Variants in LRRC1 observed in about 807,000 individuals in gnomAD.
LRRC1 encodes the protein leucine rich repeat containing 1, also known as leucine-rich repeat-containing protein 1.
In LRRC1, 28 loss-of-function variants were observed where a neutral mutation model predicts 69.9. The observed-to-expected ratio is 0.40, with a 90% confidence interval of 0.30 to 0.55. The LOEUF is 0.55. Among genes scored for constraint, LRRC1 ranks in the 20% least tolerant of loss-of-function variants. The pLI is 0.47. For synonymous variants in LRRC1, 236 were observed against 240.2 expected, an observed-to-expected ratio of 0.98 and a Z score of 0.16; for missense variants, 498 against 609.0, an observed-to-expected ratio of 0.82 and a Z score of 1.92.
intron 2 of LRRC1, among the ~76,000 whole-genome samples, chr6:53,862,988 C>G (rs916223504): frequency 1.3e-5 from 2 of 152,164 alleles, no homozygotes; most frequent in Non-Finnish European, 1.5e-5. Context: ...AATCAGCCAG[C>G]CTGTTTGGCA....
chr6:53,909,861 C>G (rs1471892159), intron 10 of LRRC1, among the ~76,000 whole-genome samples: 1 of 152,008 alleles, frequency 6.6e-6, no homozygotes, highest in Non-Finnish European at 1.5e-5. Flanking sequence ...AATTATGTTA[C>G]AAATAATATT....
At chr6:53,877,283 G>C (rs552298945) in intron 2 of LRRC1, among the ~76,000 whole-genome samples, 2 of 152,126 alleles carry the variant, frequency 1.3e-5, no homozygotes, top group Non-Finnish European at 1.5e-5. Flanking sequence ...ACCCTGGACC[G>C]GGCCCAGGAA....
intron 2 of LRRC1, among the ~76,000 whole-genome samples, chr6:53,864,976 A>G (rs928631068): frequency 6.6e-6 from 1 of 152,126 alleles, no homozygotes; most frequent in Non-Finnish European, 1.5e-5. Flanking sequence ...AAGTGTCCAT[A>G]TGGCTGAAAG....
chr6:53,813,997 T>C (rs1349149751), intron 1 of LRRC1, among the ~76,000 whole-genome samples: 3 of 152,226 alleles, frequency 2.0e-5, no homozygotes, highest in Non-Finnish European at 2.9e-5. Context: ...GCTCCTTTCC[T>C]CTATACAGAG....
rs550528556 is a variant in LRRC1 at position 53,906,527 on chromosome 6, A to T, written c.990+2065A>T. Among the ~76,000 whole-genome samples, 21 of 152,330 alleles carry T rather than the reference A, an allele frequency of 1.4e-4. No individual in the cohort carries two copies. In the East Asian group the frequency reaches 3.1e-3, roughly 22 times the overall value. On this transcript the variant is annotated intron_variant, in intron 10 of 13. Coordinates refer to ENST00000370888, the MANE Select transcript of LRRC1 (RefSeq NM_018214.5). ...TCTCTTTCACAAGATTATGTTCTAG[A>T]CAAGAACCTTGGAAATTTACTTTCA... is the stretch of plus-strand genomic sequence containing the variant.
At chr6:53,819,615 C>T (rs1263309406) in intron 1 of LRRC1, among the ~76,000 whole-genome samples, 10 of 152,136 alleles carry the variant, frequency 6.6e-5, no homozygotes, top group African/African-American at 7.2e-5. Context: ...AGGAAAAGAG[C>T]ACATTGGAGA....
intron 1 of LRRC1, among the ~76,000 whole-genome samples, chr6:53,805,148 G>A (rs1024666214): frequency 6.6e-6 from 1 of 152,096 alleles, no homozygotes; most frequent in African/African-American, 2.4e-5. Flanking sequence ...ATCTTTGGAC[G>A]ACTAACATCT....
chr6:53,836,083 A>C (rs1765605972), intron 1 of LRRC1, among the ~76,000 whole-genome samples: 1 of 152,170 alleles, frequency 6.6e-6, no homozygotes, highest in Non-Finnish European at 1.5e-5. Context: ...TCATATAAGA[A>C]AGCCACTCTA....
chr6:53,798,106 A>T (rs1315811865), intron 1 of LRRC1, among the ~76,000 whole-genome samples: 1 of 152,240 alleles, frequency 6.6e-6, no homozygotes, highest in African/African-American at 2.4e-5. Flanking sequence ...TTTAATCCAG[A>T]TGTAGTTAGT....
intron 2 of LRRC1, among the ~76,000 whole-genome samples, chr6:53,872,752 CTTT>C (rs537186693): frequency 9.4e-6 from 1 of 106,400 alleles, no homozygotes; most frequent in Non-Finnish European, 1.9e-5. Flanking sequence ...TTTCTTTTCT[CTTT>C]TTTTTTTTTT....
At chr6:53,920,599 T>A in intron 12 of LRRC1, 26 bp from the exon 13 acceptor site, 1 of 1,614,090 alleles carries the variant, frequency 6.2e-7, no homozygotes, top group Admixed American at 1.7e-5. Flanking sequence ...CGCAATTCCC[T>A]GCTTATGTGG....
At position 53,920,632 on chromosome 6, in the gene LRRC1, G is replaced by A. The variant is rs974629445; in HGVS notation, c.1287G>A (p.Leu429=). 7 of 1,614,164 alleles carry A rather than the reference G, an allele frequency of 4.3e-6. No homozygotes were observed. The highest frequency in any genetic ancestry group is 5.1e-6 in the Non-Finnish European group (6 of 1,180,018). ...TGGTCTTTGTCACTGCAGAGAATCT[G>A]CCTCGCTGTGGTGCACTGGAGAACT... ...LPSEPTCQEN[L]PRCGALENLV... is the part of the protein sequence containing the mutation. Residue 429 remains leucine (L), a synonymous_variant, in exon 13 of 14, where the codon CTG becomes CTA. Transcript: ENST00000370888.
chr6:53,823,352 T>G (rs560371023), intron 1 of LRRC1, among the ~76,000 whole-genome samples: 1 of 152,312 alleles, frequency 6.6e-6, no homozygotes, highest in African/African-American at 2.4e-5. Context: ...AAAGACAAGT[T>G]GATAATTGCC....
At chr6:53,906,500 ACT>A (rs1291807588) in intron 10 of LRRC1, among the ~76,000 whole-genome samples, 6 of 152,124 alleles carry the variant, frequency 3.9e-5, no homozygotes, top group Admixed American at 2.0e-4. Context: ...TGATCCCCTG[ACT>A]CTCTTTCACA....
chr6:53,831,119 A>C (rs1012048810), intron 1 of LRRC1, among the ~76,000 whole-genome samples: 1 of 151,908 alleles, frequency 6.6e-6, no homozygotes, highest in African/African-American at 2.4e-5. Context: ...AGAATATGTT[A>C]GAAGATGTTT....
chr6:53,874,776 T>TA (rs1383270411), intron 2 of LRRC1, among the ~76,000 whole-genome samples: 1 of 152,192 alleles, frequency 6.6e-6, no homozygotes, highest in Admixed American at 6.5e-5. Flanking sequence ...TTCTCAATGT[T>TA]AATATGTCCA....
At chr6:53,904,358 G>A (rs780809388) in intron 9 of LRRC1, 21 bp from the exon 10 acceptor site, 7 of 1,489,860 alleles carry the variant, frequency 4.7e-6, no homozygotes, top group African/African-American at 4.2e-5. Context: ...TAAATTAATA[G>A]TGAAATTGTT....
intron 1 of LRRC1, among the ~76,000 whole-genome samples, chr6:53,839,860 C>T (rs1182932867): frequency 6.6e-6 from 1 of 152,138 alleles, no homozygotes; most frequent in East Asian, 1.9e-4. Flanking sequence ...ATGCCTATTT[C>T]TAATTTATCA....
intron 10 of LRRC1, among the ~76,000 whole-genome samples, chr6:53,910,425 TATA>T (rs1278144244): frequency 1.3e-5 from 2 of 152,192 alleles, no homozygotes; most frequent in Non-Finnish European, 2.9e-5. Flanking sequence ...GAATGATGTG[TATA>T]ATGTCAGTCT....
Sources: allele counts gnomAD v4.1 joint callset (sites outside exome capture counted in the v4.1 genomes callset), GRCh38; gene constraint gnomAD v4.1.1; transcripts MANE v1.5; gene names NCBI Gene and HGNC (gene_info 2026-07-23, HGNC 2026-07-21).